RRP15: variants seen among roughly 807,000 people sequenced by gnomAD.
RRP15 encodes the protein ribosomal RNA processing 15 homolog.
Under a neutral mutation model 27.1 loss-of-function variants are expected in RRP15, and 18 were observed. The observed-to-expected ratio is 0.66, with a 90% CI of 0.46 to 0.98. RRP15 has a LOEUF of 0.98. Ranked by LOEUF, RRP15 falls within the 50% of genes least tolerant of loss-of-function variation. The pLI is 0.00. For synonymous variants in RRP15, 107 were observed against 109.4 expected, an observed-to-expected ratio of 0.98 and a Z score of 0.14; for missense variants, 359 against 337.8, an observed-to-expected ratio of 1.06 and a Z score of -0.49.
At chr1:218,327,714 T>C (rs1656296176) in intron 4 of RRP15, among the ~76,000 whole-genome samples, 1 of 152,208 alleles carries the variant, frequency 6.6e-6, no homozygotes, top group African/African-American at 2.4e-5. Flanking sequence ...TGTCTTTTTT[T>C]TCCAAATTGT....
At chr1:218,309,509 A>G (rs1029805672) in intron 4 of RRP15, among the ~76,000 whole-genome samples, 1 of 151,678 alleles carries the variant, frequency 6.6e-6, no homozygotes, top group Non-Finnish European at 1.5e-5. Flanking sequence ...ATGGTGAAAC[A>G]CTGTCTCTAC....
At chr1:218,302,201 G>T in intron 1 of RRP15, 93 bp from the exon 2 acceptor site, 2 of 915,824 alleles carry the variant, frequency 2.2e-6, no homozygotes, top group Non-Finnish European at 3.4e-6. Flanking sequence ...CAAAAATGGG[G>T]ACAGGCAGAG....
chr1:218,311,423 TC>T lies in RRP15; in HGVS notation c.705+3792del, dbSNP rs371599192. Reference sequence around the variant, plus strand: ...TAATATACAATAATAATACTTACTTTCTTCAGCTTTGTTACAATTTTTATTT... The same window carrying T: ...TAATATACAATAATAATACTTACTTTTTCAGCTTTGTTACAATTTTTATTT... On this transcript the variant is annotated intron_variant, in intron 4 of 4. Transcript: ENST00000366932. Among the ~76,000 whole-genome samples the T allele has an allele frequency of 5.7e-3, 873 of 152,338 alleles. 7 individuals carry two copies. The highest frequency in any genetic ancestry group is 0.019 in the African/African-American group (796 of 41,580).
chr1:218,295,553 G>T (rs1655706387), intron 1 of RRP15, among the ~76,000 whole-genome samples: 1 of 152,170 alleles, frequency 6.6e-6, no homozygotes, highest in Non-Finnish European at 1.5e-5. Flanking sequence ...CAGGTTAGAA[G>T]GTCCTAGGAG....
At chr1:218,323,946 G>GC (rs1656230117) in intron 4 of RRP15, among the ~76,000 whole-genome samples, 1 of 152,156 alleles carries the variant, frequency 6.6e-6, no homozygotes, top group South Asian at 2.1e-4. Context: ...CGCCTTCCTG[G>GC]CCCCCTCCAC....
intron 1 of RRP15, among the ~76,000 whole-genome samples, chr1:218,286,457 C>T (rs1371642642): frequency 6.6e-6 from 1 of 152,202 alleles, no homozygotes; most frequent in Non-Finnish European, 1.5e-5. Flanking sequence ...GCCTCTGATC[C>T]AGTGCCTTAC....
At chr1:218,294,597 C>T (rs572827367) in intron 1 of RRP15, among the ~76,000 whole-genome samples, 5 of 151,724 alleles carry the variant, frequency 3.3e-5, no homozygotes, top group African/African-American at 7.3e-5. Flanking sequence ...CTGGGTGTGC[C>T]GTCCTGCAGG....
chr1:218,302,249 C>G, intron 1 of RRP15, 45 bp from the exon 2 acceptor site: 1 of 1,521,526 alleles, frequency 6.6e-7, no homozygotes, highest in Non-Finnish European at 9.0e-7. Context: ...CAGCCTCTGC[C>G]TAGGATATTA....
intron 4 of RRP15, among the ~76,000 whole-genome samples, chr1:218,319,108 G>A (rs769107763): frequency 1.2e-4 from 18 of 151,100 alleles, no homozygotes; most frequent in Non-Finnish European, 2.5e-4. Flanking sequence ...CACCCAGGCT[G>A]GAGTGCAATG....
rs1160559232 is a variant in RRP15 at position 218,336,995 on chromosome 1, G to A, written c.*5904G>A. 2 of 152,206 alleles carry A rather than the reference G, an allele frequency of 1.3e-5. No homozygotes were observed. The highest frequency in any genetic ancestry group is 6.5e-5 in the Admixed American group (1 of 15,282). The allele number at this position is 152,206 out of a possible 1,614,324, so 9.4% of individuals were successfully genotyped here. A position where few individuals can be genotyped will look rare whatever the true frequency, so the allele number is the denominator to read the frequency against. On this transcript the variant is annotated 3_prime_UTR_variant, in exon 5 of 5. Coordinates refer to ENST00000366932, the MANE Select transcript of RRP15 (RefSeq NM_016052.4). ...ACAGCATAATTTTGGAATCACAACT[G>A]AGTTCAGAGTTCAGTTTTGAGTCCT... is the stretch of plus-strand genomic sequence containing the variant.
chr1:218,302,613 A>G, intron 2 of RRP15, 54 bp downstream of exon 2: 1 of 1,564,654 alleles, frequency 6.4e-7, no homozygotes, highest in Non-Finnish European at 8.6e-7. Context: ...GCTAGCTCTT[A>G]TCTTGACCGA....
At position 218,305,135 on chromosome 1, in the gene RRP15, T is replaced by G. The variant is rs368764574; in HGVS notation, c.503+10T>G. On this transcript the variant is annotated intron_variant, in intron 3 of 4. Coordinates refer to ENST00000366932, the MANE Select transcript of RRP15 (RefSeq NM_016052.4). ...AGAGAATTGCAACAAGGTAAGGTAG[T>G]GTTTTTGCCCTTTAAAAAATAAGTA... The G allele has an allele frequency of 8.4e-5, 134 of 1,597,474 alleles. No individual in the cohort carries two copies. The highest frequency in any genetic ancestry group is 1.1e-4 in the Non-Finnish European group (124 of 1,166,454).
rs1656404227 is a variant in RRP15 at position 218,333,475 on chromosome 1, A to C, written c.*2384A>C. On this transcript the variant is annotated 3_prime_UTR_variant, in exon 5 of 5. Transcript: ENST00000366932. The stretch of plus-strand genomic sequence containing the variant: ...CAGATAAATAATCCGAGTGTATTTC[A>C]TCTTTCTACATTGTCTTTGTGGTTT... 2.0e-5 allele frequency: 3 copies of C among 152,110 alleles called. No homozygotes were observed. The highest frequency in any genetic ancestry group is 2.0e-4 in the Admixed American group (3 of 15,246). 9.4% of individuals were successfully genotyped at this position (152,110 alleles called of 1,614,324 possible).
Position 218,332,747 on chromosome 1 carries a change from GTCTT to G in RRP15, c.*1659_*1662del, listed in dbSNP as rs2102519664. On this transcript the variant is annotated 3_prime_UTR_variant, in exon 5 of 5. Transcript: ENST00000366932. ...TTTATTCTAACTTTTGAACATTAGTGTCTTTCAGTATAAATAAATGTGAACAAAT... is the reference window on the plus strand; with the variant it reads ...TTTATTCTAACTTTTGAACATTAGTGTCAGTATAAATAAATGTGAACAAAT... The G allele has an allele frequency of 6.6e-6, 1 of 151,788 alleles. No individual in the cohort carries two copies. The highest frequency in any genetic ancestry group is 2.4e-5 in the African/African-American group (1 of 41,408). 9.4% of individuals were successfully genotyped at this position (151,788 alleles called of 1,614,324 possible).
Position 218,335,417 on chromosome 1 carries a change from A to G in RRP15, c.*4326A>G, listed in dbSNP as rs1656433287. On this transcript the variant is annotated 3_prime_UTR_variant, in exon 5 of 5. Coordinates refer to ENST00000366932, the MANE Select transcript of RRP15 (RefSeq NM_016052.4). ...TAAGGCAAGCAAGGATATATGTTAG[A>G]AGAGTGGGCATAATACTTTATATTA... 6.6e-6 allele frequency: 1 copy of G among 152,158 alleles called. No homozygotes were observed. The highest frequency in any genetic ancestry group is 1.5e-5 in the Non-Finnish European group (1 of 68,018). The allele number at this position is 152,158 out of a possible 1,614,324, so 9.4% of individuals were successfully genotyped here.
At chr1:218,312,762 A>G (rs1346639188) in intron 4 of RRP15, among the ~76,000 whole-genome samples, 1 of 152,214 alleles carries the variant, frequency 6.6e-6, no homozygotes, top group East Asian at 1.9e-4. Flanking sequence ...AGAAGAATAT[A>G]AGAAACTTAG....
chr1:218,288,450 A>G (rs6659949), intron 1 of RRP15, among the ~76,000 whole-genome samples: 6,068 of 152,280 alleles, frequency 0.04, 158 homozygotes, highest in East Asian at 0.073. Flanking sequence ...AGTTCCTTCT[A>G]TATATCAGCT....
At chr1:218,295,449 T>C (rs1256590962) in intron 1 of RRP15, among the ~76,000 whole-genome samples, 1 of 152,186 alleles carries the variant, frequency 6.6e-6, no homozygotes, top group Non-Finnish European at 1.5e-5. Context: ...GGAATATCAT[T>C]TCAGGTTTTC....
chr1:218,306,866 T>G (rs773443897), intron 3 of RRP15, among the ~76,000 whole-genome samples: 45 of 152,214 alleles, frequency 3.0e-4, no homozygotes, highest in Admixed American at 1.2e-3. Flanking sequence ...ACTGAGTCTT[T>G]GAAATCTGGT....
Sources: allele counts gnomAD v4.1 joint callset (sites outside exome capture counted in the v4.1 genomes callset), GRCh38; gene constraint gnomAD v4.1.1; transcripts MANE v1.5; gene names NCBI Gene and HGNC (gene_info 2026-07-23, HGNC 2026-07-21).